Variants in INPP4B observed in about 807,000 individuals in gnomAD.
INPP4B encodes the protein inositol polyphosphate-4-phosphatase type II B.
A neutral mutation model predicts 122.5 loss-of-function variants in INPP4B; 55 were observed. That is an observed-to-expected ratio of 0.45 (90% CI 0.36 to 0.56). The LOEUF (loss-of-function observed/expected upper bound fraction) is 0.56. Among genes scored for constraint, INPP4B ranks in the 20% least tolerant of loss-of-function variants. The pLI is 0.00. For synonymous variants in INPP4B, 403 were observed against 388.7 expected, an observed-to-expected ratio of 1.04 and a Z score of -0.43; for missense variants, 1,000 against 1,097.7, an observed-to-expected ratio of 0.91 and a Z score of 1.26.
intron 7 of INPP4B, among the ~76,000 whole-genome samples, chr4:142,319,281 G>A (rs1769094815): frequency 6.6e-6 from 1 of 152,092 alleles, no homozygotes; most frequent in Non-Finnish European, 1.5e-5. Context: ...CTCTCGGCAG[G>A]GATAGAGCCC....
intron 12 of INPP4B, among the ~76,000 whole-genome samples, chr4:142,220,026 G>A (rs1394764680): frequency 6.6e-6 from 1 of 152,124 alleles, no homozygotes; most frequent in Admixed American, 6.5e-5. Context: ...CTATAGGATG[G>A]TACAATACAG....
intron 9 of INPP4B, among the ~76,000 whole-genome samples, chr4:142,271,158 G>T (rs1036629995): frequency 2.0e-5 from 3 of 151,774 alleles, no homozygotes; most frequent in African/African-American, 7.3e-5. Flanking sequence ...GGTCAGGCTG[G>T]TGTCAAACTC....
At chr4:142,599,770 T>C (rs1439638613) in intron 2 of INPP4B, among the ~76,000 whole-genome samples, 1 of 151,498 alleles carries the variant, frequency 6.6e-6, no homozygotes, top group East Asian at 1.9e-4. Flanking sequence ...TGAAAAATAA[T>C]ACAAAGAAAT....
At chr4:142,573,144 G>C (rs1467331184) in intron 2 of INPP4B, among the ~76,000 whole-genome samples, 2 of 151,908 alleles carry the variant, frequency 1.3e-5, no homozygotes, top group East Asian at 3.9e-4. Context: ...GAGAGAGAGA[G>C]AGCAAGAGCT....
intron 11 of INPP4B, among the ~76,000 whole-genome samples, chr4:142,242,155 T>G (rs1000460059): frequency 6.6e-6 from 1 of 152,250 alleles, no homozygotes; most frequent in African/African-American, 2.4e-5. Flanking sequence ...CATCCTCATT[T>G]GTATTTGAAG....
At chr4:142,184,892 A>G (rs1399319187) in intron 15 of INPP4B, among the ~76,000 whole-genome samples, 1 of 152,156 alleles carries the variant, frequency 6.6e-6, no homozygotes, top group Non-Finnish European at 1.5e-5. Context: ...TGTATATATT[A>G]TTGCACCTTA....
chr4:142,074,983 T>A (rs929414386), intron 25 of INPP4B, among the ~76,000 whole-genome samples: 4 of 151,988 alleles, frequency 2.6e-5, no homozygotes, highest in Admixed American at 2.0e-4. Flanking sequence ...ATTCTTTTTA[T>A]CCTCTGAGCC....
At chr4:142,551,533 A>G (rs1727976617) in intron 2 of INPP4B, among the ~76,000 whole-genome samples, 1 of 152,198 alleles carries the variant, frequency 6.6e-6, no homozygotes, top group East Asian at 1.9e-4. Context: ...AACTGTTTAA[A>G]TTTCAGTGAT....
At chr4:142,736,188 A>G (rs75596079) in intron 1 of INPP4B, among the ~76,000 whole-genome samples, 4,556 of 152,246 alleles carry the variant, frequency 0.03, 84 homozygotes, top group Non-Finnish European at 0.041. Context: ...TTTCAACAAG[A>G]GCACCAGATG....
At chr4:142,042,332 A>G (rs1748203131) in intron 25 of INPP4B, among the ~76,000 whole-genome samples, 1 of 152,190 alleles carries the variant, frequency 6.6e-6, no homozygotes. Context: ...CTTGTCAAAA[A>G]AGCAGTGGTG....
intron 7 of INPP4B, among the ~76,000 whole-genome samples, chr4:142,396,491 A>C (rs956223281): frequency 2.0e-5 from 3 of 152,190 alleles, no homozygotes; most frequent in Non-Finnish European, 4.4e-5. Context: ...ACTGGAACTC[A>C]AATTACTAGG....
intron 2 of INPP4B, among the ~76,000 whole-genome samples, chr4:142,692,524 G>A (rs2150727982): frequency 6.6e-6 from 1 of 152,288 alleles, no homozygotes; most frequent in South Asian, 2.1e-4. Flanking sequence ...AACAAAGCGA[G>A]ACCCCCATCT....
At chr4:142,199,569 C>T (rs1302330817) in intron 14 of INPP4B, among the ~76,000 whole-genome samples, 3 of 151,996 alleles carry the variant, frequency 2.0e-5, no homozygotes, top group African/African-American at 7.2e-5. Context: ...TTTCCACTCA[C>T]ACATTTTTTC....
At chr4:142,041,024 C>A (rs1438248113) in intron 25 of INPP4B, among the ~76,000 whole-genome samples, 1 of 152,152 alleles carries the variant, frequency 6.6e-6, no homozygotes, top group African/African-American at 2.4e-5. Context: ...GCTGAGAAGG[C>A]AGTCTGACTC....
intron 23 of INPP4B, among the ~76,000 whole-genome samples, chr4:142,106,830 G>A (rs1578919524): frequency 6.6e-6 from 1 of 152,064 alleles, no homozygotes; most frequent in South Asian, 2.1e-4. Context: ...CGCTGGCCTG[G>A]GGACCACATA....
intron 2 of INPP4B, among the ~76,000 whole-genome samples, chr4:142,639,427 C>A (rs1045724005): frequency 2.0e-5 from 3 of 152,052 alleles, no homozygotes; most frequent in Admixed American, 6.6e-5. Flanking sequence ...TAGGTTTATT[C>A]AGATTGTCTA....
At chr4:142,195,264 T>C (rs939775234) in intron 14 of INPP4B, among the ~76,000 whole-genome samples, 2 of 152,182 alleles carry the variant, frequency 1.3e-5, no homozygotes, top group Admixed American at 1.3e-4. Flanking sequence ...AATATAATGG[T>C]GGCTGTCAAG....
chr4:142,221,793 G>T (rs778551348), intron 12 of INPP4B, among the ~76,000 whole-genome samples: 9 of 152,142 alleles, frequency 5.9e-5, no homozygotes, highest in Non-Finnish European at 1.2e-4. Flanking sequence ...AGGTGACTGA[G>T]AAACTAAATG....
chr4:142,717,649 C>A (rs536085171), intron 2 of INPP4B, among the ~76,000 whole-genome samples: 20 of 152,052 alleles, frequency 1.3e-4, no homozygotes, highest in African/African-American at 4.8e-4. Flanking sequence ...GACAGAAAAC[C>A]AAACACCACA....
Sources: gnomAD v4.1 joint callset for allele counts (sites outside exome capture counted in the v4.1 genomes callset) on GRCh38, gnomAD v4.1.1 for gene constraint, MANE v1.5 for transcripts, NCBI Gene and HGNC (gene_info 2026-07-23, HGNC 2026-07-21) for gene names.